TMED3: variants seen among roughly 807,000 people sequenced by gnomAD.
TMED3 encodes the protein transmembrane p24 trafficking protein 3, also known as transmembrane emp24 domain-containing protein 3.
A neutral mutation model predicts 15.0 loss-of-function variants in TMED3; 9 were observed. The observed-to-expected ratio is 0.60, with a 90% CI of 0.36 to 1.04. TMED3 has a LOEUF of 1.04. TMED3 is among the 50% of genes least tolerant of loss of function. TMED3 has a pLI of 0.01. For synonymous variants in TMED3, 117 were observed against 121.4 expected, an observed-to-expected ratio of 0.96 and a Z score of 0.24; for missense variants, 267 against 278.9, an observed-to-expected ratio of 0.96 and a Z score of 0.30.
At chr15:79,382,987 C>T (rs1377988674) in intron 2 of TMED3, 1 of 1,535,482 alleles carries the variant, frequency 6.5e-7, no homozygotes, top group Non-Finnish European at 8.7e-7. Flanking sequence ...GCTTCACCAA[C>T]ACCAACGCCA....
At chr15:79,379,718 A>G (rs1027237751) in intron 2 of TMED3, among the ~76,000 whole-genome samples, 1 of 152,220 alleles carries the variant, frequency 6.6e-6, no homozygotes, top group African/African-American at 2.4e-5. Flanking sequence ...AAAGTCAGAA[A>G]TTATTAATCA....
chr15:79,381,918 G>A (rs909118695), intron 2 of TMED3, among the ~76,000 whole-genome samples: 1 of 152,124 alleles, frequency 6.6e-6, no homozygotes, highest in Non-Finnish European at 1.5e-5. Context: ...TAAAAATATT[G>A]CATCACAGCC....
At chr15:79,400,776 G>A (rs896036615) in intron 2 of TMED3, among the ~76,000 whole-genome samples, 1 of 152,140 alleles carries the variant, frequency 6.6e-6, no homozygotes, top group African/African-American at 2.4e-5. Context: ...AAATGAGGGG[G>A]TTGGATCACT....
At chr15:79,365,180 G>A (rs138817438) in intron 2 of TMED3, among the ~76,000 whole-genome samples, 3 of 152,288 alleles carry the variant, frequency 2.0e-5, no homozygotes, top group Admixed American at 1.3e-4. Context: ...AAATACATGG[G>A]GATTACACAT....
intron 2 of TMED3, among the ~76,000 whole-genome samples, chr15:79,380,385 T>C (rs1425458337): frequency 1.4e-5 from 2 of 147,226 alleles, no homozygotes; most frequent in African/African-American, 5.0e-5. Flanking sequence ...TACACATATA[T>C]ATATAAAGAG....
Position 79,322,229 on chromosome 15 carries a change from T to G in TMED3, c.*15T>G. The G allele has an allele frequency of 6.2e-7, 1 of 1,604,998 alleles. No homozygotes were observed. The highest frequency in any genetic ancestry group is 8.5e-7 in the Non-Finnish European group (1 of 1,174,436). ...TCCACTCCTAGCCCCGGCATCCTGC[T>G]CTAGGGCCCCTCATGCCCCAGGCTG... is the stretch of plus-strand genomic sequence containing the variant. On this transcript the variant is annotated 3_prime_UTR_variant, in exon 3 of 3. Transcript: ENST00000299705.
At chr15:79,359,022 C>A (rs1056388434) in intron 2 of TMED3, among the ~76,000 whole-genome samples, 3 of 152,162 alleles carry the variant, frequency 2.0e-5, no homozygotes, top group African/African-American at 7.2e-5. Context: ...AGAGAGAGTG[C>A]AGCAGCACCT....
intron 2 of TMED3, among the ~76,000 whole-genome samples, chr15:79,379,871 G>A (rs1425920879): frequency 6.6e-6 from 1 of 152,122 alleles, no homozygotes. Context: ...TAAGGTAATG[G>A]CAGAATAATT....
intron 2 of TMED3, among the ~76,000 whole-genome samples, chr15:79,316,832 CAGA>C (rs2058742479): frequency 6.6e-6 from 1 of 152,178 alleles, no homozygotes; most frequent in Admixed American, 6.5e-5. Flanking sequence ...ACCCTGAAAA[CAGA>C]GGGGTTCTGT....
At chr15:79,382,867 T>G in intron 2 of TMED3, 1 of 1,098,070 alleles carries the variant, frequency 9.1e-7, no homozygotes, top group Non-Finnish European at 1.3e-6. Context: ...TTATCTTTCA[T>G]GGGTATCTCA....
intron 2 of TMED3, among the ~76,000 whole-genome samples, chr15:79,330,718 A>G (rs1275360267): frequency 6.6e-6 from 1 of 152,184 alleles, no homozygotes; most frequent in Non-Finnish European, 1.5e-5. Flanking sequence ...GACCCCAAAT[A>G]GCCAACACAA....
intron 2 of TMED3, among the ~76,000 whole-genome samples, chr15:79,356,621 T>A (rs981187255): frequency 1.3e-5 from 2 of 152,030 alleles, no homozygotes; most frequent in African/African-American, 2.4e-5. Flanking sequence ...GTGATGGAGA[T>A]CCAAAGAGCA....
downstream of TMED3, among the ~76,000 whole-genome samples, chr15:79,326,331 A>C (rs553343501): frequency 5.9e-5 from 9 of 152,358 alleles, no homozygotes; most frequent in Non-Finnish European, 5.9e-5. Context: ...AGAAATGCGT[A>C]GTTTATTTTA....
At chr15:79,333,677 A>G (rs1016386495) in intron 2 of TMED3, among the ~76,000 whole-genome samples, 2 of 152,150 alleles carry the variant, frequency 1.3e-5, no homozygotes, top group Non-Finnish European at 2.9e-5. Flanking sequence ...TTGTTGGGCT[A>G]TTTTCAGCTT....
chr15:79,404,566 C>T (rs1023908156), intron 2 of TMED3, among the ~76,000 whole-genome samples: 1 of 152,202 alleles, frequency 6.6e-6, no homozygotes, highest in Non-Finnish European at 1.5e-5. Context: ...ATGTGAAATA[C>T]AAAGTTCTGC....
At chr15:79,356,103 T>G (rs1446068979) in intron 2 of TMED3, among the ~76,000 whole-genome samples, 1 of 152,174 alleles carries the variant, frequency 6.6e-6, no homozygotes, top group Non-Finnish European at 1.5e-5. Flanking sequence ...CCAGCACATG[T>G]CCTGGGTGGC....
intron 2 of TMED3, among the ~76,000 whole-genome samples, chr15:79,410,951 A>G (rs1009900928): frequency 5.9e-5 from 9 of 152,166 alleles, no homozygotes; most frequent in Non-Finnish European, 1.2e-4. Context: ...TTGACCCCTG[A>G]TGTCAAAGCA....
chr15:79,391,640 CGATGACCTGTCTT>C, intron 2 of TMED3, among the ~76,000 whole-genome samples: 1 of 152,106 alleles, frequency 6.6e-6, no homozygotes, highest in East Asian at 1.9e-4. Context: ...CTTTCTGTCT[CGATGACCTGTCTT>C]GATGACATCT....
At chr15:79,400,751 G>A (rs929616101) in intron 2 of TMED3, among the ~76,000 whole-genome samples, 5 of 152,178 alleles carry the variant, frequency 3.3e-5, no homozygotes, top group Non-Finnish European at 7.3e-5. Flanking sequence ...GTAAGTACTG[G>A]TATTTTCTTC....
Sources: gnomAD v4.1 joint callset for allele counts (sites outside exome capture counted in the v4.1 genomes callset) on GRCh38, gnomAD v4.1.1 for gene constraint, MANE v1.5 for transcripts, NCBI Gene and HGNC (gene_info 2026-07-23, HGNC 2026-07-21) for gene names.